Variants in ABCA5 observed in about 807,000 individuals in gnomAD.
ABCA5 encodes ATP binding cassette subfamily A member 5.
In ABCA5, 163 loss-of-function variants were observed where a neutral mutation model predicts 206.0. The observed-to-expected ratio is 0.79, with a 90% CI of 0.70 to 0.90. The LOEUF is 0.90. Among genes scored for constraint, ABCA5 ranks in the 40% least tolerant of loss-of-function variants. ABCA5 has a pLI of 0.00. For synonymous variants in ABCA5, 609 were observed against 613.8 expected (o/e 0.99, Z 0.11); for missense variants, 1,859 against 1,912.9 (o/e 0.97, Z 0.53).
intron 24 of ABCA5, among the ~76,000 whole-genome samples, chr17:69,262,385 C>T (rs1209982807): frequency 6.6e-6 from 1 of 152,068 alleles, no homozygotes; most frequent in Non-Finnish European, 1.5e-5. Flanking sequence ...TGCTCCCCTT[C>T]CTCCTGCCCC....
chr17:69,322,289 G>C (rs998116765), intron 1 of ABCA5, among the ~76,000 whole-genome samples: 1 of 136,738 alleles, frequency 7.3e-6, no homozygotes, highest in African/African-American at 2.7e-5. Flanking sequence ...AGAATCACTC[G>C]AACCCGGGAG....
At chr17:69,262,817 T>C (rs1416658681) in intron 24 of ABCA5, among the ~76,000 whole-genome samples, 4 of 152,204 alleles carry the variant, frequency 2.6e-5, no homozygotes, top group Non-Finnish European at 4.4e-5. Context: ...CTGCTTTCCA[T>C]GGCTGCTGAA....
At chr17:69,272,991 T>TTATA (rs2075289081) in intron 20 of ABCA5, among the ~76,000 whole-genome samples, 1 of 152,184 alleles carries the variant, frequency 6.6e-6, no homozygotes, top group Admixed American at 6.5e-5. Context: ...ATAGGAGATG[T>TTATA]TATAGGAACA....
rs746487074 is a variant in ABCA5 at position 69,287,721 on chromosome 17, T to A, written c.1933A>T (p.Met645Leu). 1.9e-6 allele frequency: 3 copies of A among 1,613,470 alleles called. No homozygotes were observed. The highest frequency in any genetic ancestry group is 2.7e-5 in the African/African-American group (2 of 74,896). ...ACAATATGTCGAGAACAGGGGTCCATTCCAGCTGTTGGTTCATCTAGCAGC... is the reference window on the plus strand; with the variant it reads ...ACAATATGTCGAGAACAGGGGTCCAATCCAGCTGTTGGTTCATCTAGCAGC... ...ILLLDEPTAG[M>L]DPCSRHIVWN... The change falls in exon 15 of 39, where the codon ATG becomes TTG. Residue 645 changes from methionine to leucine, a missense_variant. Transcript: ENST00000392676.
Position 69,277,748 on chromosome 17 carries a change from G to C in ABCA5, c.2487C>G (p.Thr829=). The change falls in exon 19 of 39, where the codon ACC becomes ACG. Residue 829 remains threonine, a synonymous_variant. Coordinates refer to ENST00000392676, the MANE Select transcript of ABCA5 (RefSeq NM_172232.4). Reference sequence around the variant, plus strand: ...TCATGGTGCTCACTAGAGCAGCCTTGGTTTCAGAAAGAATAAGTAAGCTCT... The same window carrying C: ...TCATGGTGCTCACTAGAGCAGCCTTCGTTTCAGAAAGAATAAGTAAGCTCT... ...MEQSLLILSE[T]KAALVSTMSL... The C allele has an allele frequency of 6.2e-7, 1 of 1,606,464 alleles. No homozygotes were observed. The highest frequency in any genetic ancestry group is 1.1e-5 in the South Asian group (1 of 88,926).
chr17:69,261,015 A>G (rs932965080), intron 26 of ABCA5, 110 bp downstream of exon 26: 1 of 821,378 alleles, frequency 1.2e-6, no homozygotes, highest in South Asian at 2.0e-5. Flanking sequence ...ATCAAGTAGT[A>G]GCCATTAGCC....
In ABCA5 at chr17:69,326,785, C is replaced by T. The variant is rs2075899414; in HGVS notation, c.-16+267G>A. On this transcript the variant is annotated intron_variant, in intron 1 of 38. Transcript: ENST00000392676. This position sits in a 1 kb window ranked among gnomAD's most constrained non-coding sequence, Gnocchi z 4.8. Reference sequence around the variant, plus strand: ...GGAGCCCCCGCCGCAGGGCCCCGACCCCCTCACGTCCGCATCCTGGGCGCT... The same window carrying T: ...GGAGCCCCCGCCGCAGGGCCCCGACTCCCTCACGTCCGCATCCTGGGCGCT... Among the ~76,000 whole-genome samples, 1 of 152,176 alleles carries T rather than the reference C, an allele frequency of 6.6e-6. No homozygotes were observed. Among genetic ancestry groups the T allele is most frequent in the Non-Finnish European group, 1.5e-5 (1 of 68,014 alleles).
At chr17:69,263,988 G>A (rs879602587) in intron 24 of ABCA5, among the ~76,000 whole-genome samples, 8 of 152,058 alleles carry the variant, frequency 5.3e-5, no homozygotes, top group Non-Finnish European at 1.0e-4. Context: ...GAGCCCCCGC[G>A]CCCAGCTTAT....
intron 23 of ABCA5, among the ~76,000 whole-genome samples, chr17:69,265,903 A>G (rs1598159189): frequency 6.6e-6 from 1 of 152,226 alleles, no homozygotes; most frequent in Non-Finnish European, 1.5e-5. Context: ...ATTAACATGT[A>G]TAATTCAGCA....
In ABCA5 at chr17:69,308,305, G is replaced by T. The variant is rs2075738758; in HGVS notation, c.533C>A (p.Ala178Glu). 2 of 1,610,490 alleles carry T rather than the reference G, an allele frequency of 1.2e-6. No individual in the cohort carries two copies. The highest frequency in any genetic ancestry group is 2.7e-5 in the African/African-American group (2 of 74,930). ...CTGTATAATGGCAGCATCTATGGAT[G>T]CTTGTAAAACTGTGAAACCTGAGGA... Reference protein sequence around the residue: ...YWSSGFTVLQASIDAAIIQLK... With the variant: ...YWSSGFTVLQESIDAAIIQLK... Residue 178 changes from alanine (A) to glutamate (E), a missense_variant, in exon 5 of 39, where the codon GCA (alanine) becomes GAA (glutamate). Ala to Glu is a moderately radical substitution (Grantham distance 107). Transcript: ENST00000392676.
intron 24 of ABCA5, among the ~76,000 whole-genome samples, chr17:69,262,594 G>A (rs916044847): frequency 6.6e-6 from 1 of 152,052 alleles, no homozygotes. Context: ...TCAGTATTCC[G>A]TGGTGTATAT....
chr17:69,247,791 AT>A, intron 38 of ABCA5, 147 bp from the exon 39 acceptor site: 1 of 461,734 alleles, frequency 2.2e-6, no homozygotes, highest in South Asian at 5.1e-5. Flanking sequence ...ATTCAAACAG[AT>A]TATTTTCAAA....
At chr17:69,316,661 A>C (rs1053605444) in intron 1 of ABCA5, among the ~76,000 whole-genome samples, 1 of 152,096 alleles carries the variant, frequency 6.6e-6, no homozygotes, top group African/African-American at 2.4e-5. Context: ...ATATAAACAC[A>C]TAAGTTTCAA....
rs775449567 is a variant in ABCA5, at chr17:69,277,844, T to C, written c.2393-2A>G. The C allele has an allele frequency of 2.0e-6, 3 of 1,502,178 alleles. No individual in the cohort carries two copies. The highest frequency in any genetic ancestry group is 2.7e-5 in the South Asian group (2 of 72,996). The allele number at this position is 1,502,178 out of a possible 1,614,324, so 93.1% of individuals were successfully genotyped here. A position where few individuals can be genotyped will look rare whatever the true frequency, so the allele number is the denominator to read the frequency against. On this transcript the variant is annotated splice_acceptor_variant, in intron 18 of 38. Coordinates refer to ENST00000392676, the MANE Select transcript of ABCA5 (RefSeq NM_172232.4). LOFTEE classifies it high-confidence loss of function. ...GCTGCTGAGTAAATACACTATAATC[T>C]ATTTGCCAAAACAAAACAAACATTT...
chr17:69,318,920 C>T (rs771980051), intron 1 of ABCA5: 10 of 655,060 alleles, frequency 1.5e-5, no homozygotes, highest in Admixed American at 3.9e-5. Flanking sequence ...GGTGGTAATG[C>T]GATGTAATGG....
Position 69,302,761 on chromosome 17 carries a change from A to G in ABCA5, c.1076T>C (p.Phe359Ser). ...ESFPKSLVWL[F>S]SPFCHCTFVI... ...AAAAGTACAGTGACAGAAAGGACTG[A>G]AAAGCCACACTAACGATTTGGGAAA... The change falls in exon 8 of 39, where the codon TTC (phenylalanine) becomes TCC (serine). Residue 359 changes from phenylalanine to serine, a missense_variant. Phe to Ser is a radical substitution (Grantham distance 155). Transcript: ENST00000392676. 9 of 1,595,894 alleles carry G rather than the reference A, an allele frequency of 5.6e-6. No homozygotes were observed. Among genetic ancestry groups the G allele is most frequent in the Non-Finnish European group, 7.7e-6 (9 of 1,175,260 alleles).
intron 24 of ABCA5, among the ~76,000 whole-genome samples, chr17:69,264,470 C>T (rs183378585): frequency 6.6e-6 from 1 of 152,132 alleles, no homozygotes; most frequent in Admixed American, 6.5e-5. Context: ...TATATTAAAA[C>T]GTTCCTGATT....
chr17:69,247,110 C>G lies in ABCA5; in HGVS notation c.*427G>C, dbSNP rs557579357. ...TTAAAAAGGAGAAGCAAGAAACTTTCACATTGCTTTATGTATCTTTTCTAT... is the reference window on the plus strand; with the variant it reads ...TTAAAAAGGAGAAGCAAGAAACTTTGACATTGCTTTATGTATCTTTTCTAT... On this transcript the variant is annotated 3_prime_UTR_variant, in exon 39 of 39. Transcript: ENST00000392676. The G allele has an allele frequency of 6.6e-6, 1 of 152,222 alleles. No individual in the cohort carries two copies. Among genetic ancestry groups the G allele is most frequent in the Non-Finnish European group, 1.5e-5 (1 of 67,912 alleles). The allele number at this position is 152,222 out of a possible 1,614,324, so 9.4% of individuals were successfully genotyped here.
chr17:69,250,336 T>C (rs962384028), intron 36 of ABCA5, 136 bp downstream of exon 36: 9 of 635,414 alleles, frequency 1.4e-5, no homozygotes, highest in Admixed American at 3.8e-5. Flanking sequence ...AAAATATACA[T>C]ATATATTCAC....
Sources: gnomAD v4.1 joint callset for allele counts (sites outside exome capture counted in the v4.1 genomes callset) on GRCh38, gnomAD v4.1.1 for gene constraint, Gnocchi (gnomAD v3.1) non-coding constraint, MANE v1.5 for transcripts, NCBI Gene and HGNC (gene_info 2026-07-23, HGNC 2026-07-21) for gene names.